Variants in INSYN2B observed in about 807,000 individuals in gnomAD.
INSYN2B encodes inhibitory synaptic factor family member 2B.
A neutral mutation model predicts 41.2 loss-of-function variants in INSYN2B; 16 were observed. The ratio of observed to expected loss-of-function variants is 0.39; its 90% confidence interval spans 0.26 to 0.59. The LOEUF (loss-of-function observed/expected upper bound fraction) is 0.59, where lower values mean the gene tolerates loss of function less well. Among genes scored for constraint, INSYN2B ranks in the 20% least tolerant of loss-of-function variants. The pLI is 0.57. For missense variants in INSYN2B, 608 were observed against 646.4 expected (o/e 0.94, Z 0.64); for synonymous variants, 245 against 244.4 (o/e 1.00, Z -0.02).
chr5:169,864,357 G>T lies in INSYN2B; in HGVS notation c.1524C>A (p.Ser508=). ...PVEEASPPPK[S]PAEPPAPEKQ... is the part of the protein sequence containing the mutation. ...TTTCCGGGGCTGGGGGTTCTGCTGG[G>T]GACTTTGGTGGGGGCGATGCCTCCT... Residue 508 remains serine (S), a synonymous_variant, in exon 4 of 4, where the codon TCC becomes TCA. Coordinates refer to ENST00000377365, the MANE Select transcript of INSYN2B (RefSeq NM_001129891.3). 1.3e-6 allele frequency: 2 copies of T among 1,551,520 alleles called. No homozygotes were observed. The highest frequency in any genetic ancestry group is 1.7e-4 in the Middle Eastern group (1 of 5,992).
At chr5:169,930,276 C>CTGTAATT (rs1248744664) in intron 1 of INSYN2B, among the ~76,000 whole-genome samples, 1 of 152,188 alleles carries the variant, frequency 6.6e-6, no homozygotes, top group African/African-American at 2.4e-5. Flanking sequence ...AGGCTTGAGC[C>CTGTAATT]ACCGCACCTG....
At chr5:169,895,682 G>C (rs1773556008) in intron 1 of INSYN2B, among the ~76,000 whole-genome samples, 1 of 151,772 alleles carries the variant, frequency 6.6e-6, no homozygotes, top group Non-Finnish European at 1.5e-5. Context: ...CCATCTCCTG[G>C]AATGAAATAC....
intron 1 of INSYN2B, among the ~76,000 whole-genome samples, chr5:169,931,758 G>A (rs1775765168): frequency 6.6e-6 from 1 of 152,130 alleles, no homozygotes; most frequent in African/African-American, 2.4e-5. Flanking sequence ...GTGCTTCCAG[G>A]AGATGGAAGC....
At chr5:169,933,175 C>A (rs1775835481) in intron 1 of INSYN2B, among the ~76,000 whole-genome samples, 1 of 152,162 alleles carries the variant, frequency 6.6e-6, no homozygotes, top group Non-Finnish European at 1.5e-5. Context: ...TTTTGGTGTA[C>A]CCTGAAAGAG....
At chr5:169,868,024 G>A (rs1049527320) in intron 3 of INSYN2B, among the ~76,000 whole-genome samples, 125 of 152,312 alleles carry the variant, frequency 8.2e-4, no homozygotes, top group African/African-American at 2.9e-3. Flanking sequence ...CCTCCCTACT[G>A]TGACAGAAAA....
intron 3 of INSYN2B, among the ~76,000 whole-genome samples, chr5:169,872,098 G>C (rs1446736460): frequency 6.6e-6 from 1 of 152,154 alleles, no homozygotes; most frequent in Non-Finnish European, 1.5e-5. Context: ...ATGATTCATG[G>C]CGTCTCCCTG....
At chr5:169,975,558 G>A (rs191305574) in intron 1 of INSYN2B, among the ~76,000 whole-genome samples, 10 of 152,154 alleles carry the variant, frequency 6.6e-5, no homozygotes, top group African/African-American at 1.2e-4. Flanking sequence ...ATCCCACTTC[G>A]GGGCCTTTGC....
At chr5:169,969,066 C>T (rs1227410037) in intron 1 of INSYN2B, among the ~76,000 whole-genome samples, 1 of 152,076 alleles carries the variant, frequency 6.6e-6, no homozygotes. Flanking sequence ...GAGAGGATTG[C>T]TTGAGCCCAG....
At chr5:169,950,979 G>A (rs1011504855) in intron 1 of INSYN2B, among the ~76,000 whole-genome samples, 11 of 152,186 alleles carry the variant, frequency 7.2e-5, no homozygotes, top group Non-Finnish European at 1.3e-4. Flanking sequence ...AAATTGGGCG[G>A]TTGAATGTAA....
intron 1 of INSYN2B, among the ~76,000 whole-genome samples, chr5:169,894,571 A>T (rs261067): frequency 0.19 from 28,756 of 152,088 alleles, 4,292 homozygotes; most frequent in African/African-American, 0.42. Flanking sequence ...GAAGGGGGGA[A>T]GTTTATGGTC....
rs749049258 is a variant in INSYN2B, at chr5:169,935,794, TA to T, written c.-919+44482del. On this transcript the variant is annotated intron_variant, in intron 1 of 3. Transcript: ENST00000377365. ...AGAAAAAACGCGTTGTGTAAAAATA[TA>T]AAAAATCAGACATTTCTGGTAGAAC... 9.2e-5 allele frequency among the ~76,000 whole-genome samples: 14 copies of T among 152,264 alleles called. No individual in the cohort carries two copies. In the East Asian group the frequency reaches 1.9e-3, roughly 21 times the overall value.
chr5:169,973,465 C>T (rs1184229989), intron 1 of INSYN2B, among the ~76,000 whole-genome samples: 2 of 152,178 alleles, frequency 1.3e-5, no homozygotes, highest in Non-Finnish European at 2.9e-5. Context: ...CATGTGTCTT[C>T]TACCTTCATC....
chr5:169,891,265 G>C (rs952048061), intron 1 of INSYN2B, among the ~76,000 whole-genome samples: 4 of 152,056 alleles, frequency 2.6e-5, no homozygotes, highest in African/African-American at 9.7e-5. Context: ...CCCCTTCCGT[G>C]TCCCTCTGTG....
At chr5:169,877,736 G>A (rs558873809) in intron 3 of INSYN2B, among the ~76,000 whole-genome samples, 1 of 152,306 alleles carries the variant, frequency 6.6e-6, no homozygotes, top group South Asian at 2.1e-4. Context: ...AAGTCCATGA[G>A]TGCAGTTGAA....
At chr5:169,974,933 C>T (rs1055775248) in intron 1 of INSYN2B, among the ~76,000 whole-genome samples, 37 of 152,084 alleles carry the variant, frequency 2.4e-4, no homozygotes, top group African/African-American at 6.7e-4. Context: ...AATGATAACC[C>T]CTCTCCTGGC....
At chr5:169,867,990 T>C (rs1771699585) in intron 3 of INSYN2B, among the ~76,000 whole-genome samples, 1 of 152,162 alleles carries the variant, frequency 6.6e-6, no homozygotes, top group Non-Finnish European at 1.5e-5. Context: ...TTCACAATGC[T>C]CCTAGCTCCT....
At chr5:169,929,298 T>G (rs1775626976) in intron 1 of INSYN2B, among the ~76,000 whole-genome samples, 1 of 152,196 alleles carries the variant, frequency 6.6e-6, no homozygotes, top group South Asian at 2.1e-4. Context: ...CTTTCCCCAT[T>G]GACACCAACA....
chr5:169,863,220 T>C lies in INSYN2B; in HGVS notation c.*1053A>G, dbSNP rs1262215504. ...ATAGAAAAAACTATATCCTCATCCA[T>C]AGTCCTGCTAGTTTTTCAATCAGGT... is the stretch of plus-strand genomic sequence containing the variant. On this transcript the variant is annotated 3_prime_UTR_variant, in exon 4 of 4. Coordinates refer to ENST00000377365, the MANE Select transcript of INSYN2B (RefSeq NM_001129891.3). Among the ~76,000 whole-genome samples, 3 of 152,204 alleles carry C rather than the reference T, an allele frequency of 2.0e-5. No homozygotes were observed.
chr5:169,976,815 G>A (rs7705027), intron 1 of INSYN2B, among the ~76,000 whole-genome samples: 44,232 of 152,094 alleles, frequency 0.29, 7,305 homozygotes, highest in Middle Eastern at 0.39. Context: ...GGCTGACTCT[G>A]CCGGAGTTGC....
Sources: allele counts gnomAD v4.1 joint callset (sites outside exome capture counted in the v4.1 genomes callset), GRCh38; gene constraint gnomAD v4.1.1; transcripts MANE v1.5; gene names NCBI Gene and HGNC (gene_info 2026-07-23, HGNC 2026-07-21).